The following PCDHGA4 variants were observed in gnomAD, a reference collection of about 807,000 sequenced individuals.
PCDHGA4 encodes the protein protocadherin gamma subfamily A, 4, also known as protocadherin gamma-A4.
Under a neutral mutation model 54.6 loss-of-function variants are expected in PCDHGA4, and 38 were observed. The observed-to-expected ratio is 0.70, with a 90% CI of 0.54 to 0.91. The LOEUF is 0.91. Among genes scored for constraint, PCDHGA4 ranks in the 40% least tolerant of loss-of-function variants. PCDHGA4 has a pLI of 0.00. For missense variants in PCDHGA4, 1,298 were observed against 1,220.9 expected, an observed-to-expected ratio of 1.06 and a Z score of -0.94; for synonymous variants, 511 against 512.9, an observed-to-expected ratio of 1.00 and a Z score of 0.05.
In PCDHGA4 at chr5:141,487,460, G is replaced by T; in HGVS notation, c.2515-7347G>T. ...AGGGTCAGATGACCCTATCAAGTTT[G>T]TTGATGTGGGAGGCCACTCTCATGG... On this transcript the variant is annotated intron_variant, in intron 1 of 3. Transcript: ENST00000571252. The surrounding 1 kb of genome is among the most constrained non-coding windows in gnomAD (Gnocchi z 5.0). 1 of 1,614,170 alleles carries T rather than the reference G, an allele frequency of 6.2e-7. No individual in the cohort carries two copies. Among genetic ancestry groups the T allele is most frequent in the Non-Finnish European group, 8.5e-7 (1 of 1,180,024 alleles).
intron 1 of PCDHGA4, chr5:141,384,393 G>A (rs763875742): frequency 1.2e-6 from 2 of 1,613,790 alleles, no homozygotes; most frequent in Non-Finnish European, 1.7e-6. Context: ...CCATCCAGGG[G>A]GCTCCAGTGT....
At chr5:141,500,488 C>A (rs569168291) in intron 2 of PCDHGA4, among the ~76,000 whole-genome samples, 2 of 152,060 alleles carry the variant, frequency 1.3e-5, no homozygotes, top group East Asian at 3.9e-4. Flanking sequence ...GGATTACAGG[C>A]GTGAGCCACC....
chr5:141,451,116 CCA>C (rs1257364243), intron 1 of PCDHGA4, among the ~76,000 whole-genome samples: 1 of 152,200 alleles, frequency 6.6e-6, no homozygotes, highest in Non-Finnish European at 1.5e-5. Context: ...GCGTGAGCCA[CCA>C]CACCCAGCCT....
Position 141,415,578 on chromosome 5 carries a change from G to A in PCDHGA4, c.2514+57957G>A, listed in dbSNP as rs372519745. On this transcript the variant is annotated intron_variant, in intron 1 of 3. Transcript: ENST00000571252. ...ATCCTTTGTCTTTGTTAGATGATTCGAAGTTTCCTATAGAGGATACCCCAT... is the reference window on the plus strand; with the variant it reads ...ATCCTTTGTCTTTGTTAGATGATTCAAAGTTTCCTATAGAGGATACCCCAT... 678 of 1,613,890 alleles carry A rather than the reference G, an allele frequency of 4.2e-4. 10 individuals are homozygous for A. In the South Asian group the frequency reaches 6.8e-3, roughly 16 times the overall value.
Position 141,432,427 on chromosome 5 carries a change from C to T in PCDHGA4, c.2515-62380C>T, listed in dbSNP as rs775150918. 2.2e-5 allele frequency: 36 copies of T among 1,614,124 alleles called. No homozygotes were observed. The highest frequency in any genetic ancestry group is 3.1e-5 in the Non-Finnish European group (36 of 1,180,044). ...TGAGCCTGTTCGTGCTGGACCAGAA[C>T]GACAATGCGCCCGAGATCCTGTACC... On this transcript the variant is annotated intron_variant, in intron 1 of 3. Transcript: ENST00000571252. This position sits in a 1 kb window ranked among gnomAD's most constrained non-coding sequence, Gnocchi z 6.0.
rs143138320 is a variant in PCDHGA4 at position 141,489,458 on chromosome 5, G to C, written c.2515-5349G>C. The stretch of plus-strand genomic sequence containing the variant: ...CAATTGGGCTCTGAGGAGAATGGGC[G>C]CTATTTTTCCCTGAGCTTGATGAGT... On this transcript the variant is annotated intron_variant, in intron 1 of 3. Coordinates refer to ENST00000571252, the MANE Select transcript of PCDHGA4 (RefSeq NM_018917.4). The surrounding 1 kb of genome is among the most constrained non-coding windows in gnomAD (Gnocchi z 4.5). 3.7e-6 allele frequency: 6 copies of C among 1,613,924 alleles called. No individual in the cohort carries two copies. The highest frequency in any genetic ancestry group is 5.1e-6 in the Non-Finnish European group (6 of 1,180,000).
At chr5:141,409,235 C>A (rs1471024804) in intron 1 of PCDHGA4, 1 of 1,613,832 alleles carries the variant, frequency 6.2e-7, no homozygotes, top group East Asian at 2.2e-5. Context: ...CGACAACAGC[C>A]CAGAAATAAT....
chr5:141,509,882 G>A (rs1374735632), intron 3 of PCDHGA4, among the ~76,000 whole-genome samples: 1 of 152,182 alleles, frequency 6.6e-6, no homozygotes. Context: ...GGTGGTGATG[G>A]TGACTGACTG....
intron 1 of PCDHGA4, among the ~76,000 whole-genome samples, chr5:141,457,046 T>A (rs2098905373): frequency 6.6e-6 from 1 of 152,198 alleles, no homozygotes; most frequent in South Asian, 2.1e-4. Flanking sequence ...ATAGTAAAAC[T>A]TTCATGCTTC....
At position 141,423,431 on chromosome 5, in the gene PCDHGA4, G is replaced by A. The variant is rs1220133197; in HGVS notation, c.2514+65810G>A. On this transcript the variant is annotated intron_variant, in intron 1 of 3. Coordinates refer to ENST00000571252, the MANE Select transcript of PCDHGA4 (RefSeq NM_018917.4). ...CAGGCTTCTGAAGGCGGGTTGGCAGGTATGCCCACGTCACATTTTGTAGGC... is the reference window on the plus strand; with the variant it reads ...CAGGCTTCTGAAGGCGGGTTGGCAGATATGCCCACGTCACATTTTGTAGGC... 3 of 1,613,892 alleles carry A rather than the reference G, an allele frequency of 1.9e-6. No homozygotes were observed. Among genetic ancestry groups the A allele is most frequent in the Admixed American group, 3.3e-5 (2 of 60,012 alleles).
intron 1 of PCDHGA4, chr5:141,391,737 T>C (rs1050956818): frequency 6.6e-6 from 1 of 152,224 alleles, no homozygotes; most frequent in Non-Finnish European, 1.5e-5. Context: ...TTTGTAGTCA[T>C]ACTTATCCTT....
intron 1 of PCDHGA4, chr5:141,366,505 T>G (rs368019745): frequency 6.2e-7 from 1 of 1,614,136 alleles, no homozygotes; most frequent in African/African-American, 1.3e-5. Context: ...CACGCCTGCT[T>G]CAGGCTGAAG....
chr5:141,501,290 T>TACACAC lies in PCDHGA4; in HGVS notation c.2574-4064_2574-4059dup, dbSNP rs55762287. Among the ~76,000 whole-genome samples the TACACAC allele has an allele frequency of 5.7e-3, 774 of 136,224 alleles. 5 individuals are homozygous for TACACAC. The highest frequency in any genetic ancestry group is 9.9e-3 in the African/African-American group (361 of 36,504). The allele number at this position is 136,224 out of a possible 152,430, so 89.4% of individuals were successfully genotyped here. A position where few individuals can be genotyped will look rare whatever the true frequency, so the allele number is the denominator to read the frequency against. ...GTCCAGTCTATGGGATATTCCCTTA[T>TACACAC]ACACACACACACACACACACACACA... On this transcript the variant is annotated intron_variant, in intron 2 of 3. Transcript: ENST00000571252.
At chr5:141,398,162 A>G (rs1037240871) in intron 1 of PCDHGA4, 45 of 1,481,274 alleles carry the variant, frequency 3.0e-5, no homozygotes, top group Non-Finnish European at 4.0e-5. Flanking sequence ...GGCCGGGCTG[A>G]GAGGCTGCCA....
At chr5:141,483,064 A>G (rs1245942485) in intron 1 of PCDHGA4, among the ~76,000 whole-genome samples, 2 of 152,142 alleles carry the variant, frequency 1.3e-5, no homozygotes, top group Non-Finnish European at 2.9e-5. Context: ...CAGCATGGGC[A>G]ACAGAGAGAG....
chr5:141,475,921 A>T, intron 1 of PCDHGA4: 1 of 604,938 alleles, frequency 1.7e-6, no homozygotes, highest in Non-Finnish European at 2.8e-6. Flanking sequence ...AAGACGCTGG[A>T]GATCGGGCCC....
rs188827871 is a variant in PCDHGA4, at chr5:141,405,107, T to G, written c.2514+47486T>G. 137 of 1,613,998 alleles carry G rather than the reference T, an allele frequency of 8.5e-5. No homozygotes were observed. The Middle Eastern group carries it at 1.3e-3, about 16-fold the overall frequency. On this transcript the variant is annotated intron_variant, in intron 1 of 3. Coordinates refer to ENST00000571252, the MANE Select transcript of PCDHGA4 (RefSeq NM_018917.4). ...GCTGCTGGCCCTCAGGCTGAGGCAC[T>G]GGCACTCCTCGCATCTGCTGCGGGC...
intron 1 of PCDHGA4, among the ~76,000 whole-genome samples, chr5:141,438,585 TACATAC>T (rs201018754): frequency 0.16 from 9,805 of 59,734 alleles, 612 homozygotes; most frequent in African/African-American, 0.28. Context: ...CATACATACA[TACATAC>T]ATATATATAT....
intron 1 of PCDHGA4, among the ~76,000 whole-genome samples, chr5:141,482,089 CA>C (rs36035257): frequency 0.43 from 58,297 of 134,322 alleles, 12,050 homozygotes; most frequent in African/African-American, 0.53. Context: ...CACTCCATCT[CA>C]AAAAAAAAAA....
Sources: gnomAD v4.1 joint callset for allele counts (sites outside exome capture counted in the v4.1 genomes callset) on GRCh38, gnomAD v4.1.1 for gene constraint, Gnocchi (gnomAD v3.1) non-coding constraint, MANE v1.5 for transcripts, NCBI Gene and HGNC (gene_info 2026-07-23, HGNC 2026-07-21) for gene names.